COL6A6: variants seen among roughly 807,000 people sequenced by gnomAD.
The protein encoded by COL6A6 is collagen alpha-6(VI) chain.
COL6A6 carries 183 observed loss-of-function variants against 208.6 expected under a neutral mutation model. The observed-to-expected ratio is 0.88, with a 90% CI of 0.78 to 0.99. The LOEUF is 0.99. Among genes scored for constraint, COL6A6 ranks in the 50% least tolerant of loss-of-function variants. The pLI, the probability that COL6A6 is intolerant of heterozygous loss-of-function variation, is 0.00. For missense variants in COL6A6, 2,816 were observed against 2,815.2 expected (o/e 1.00, Z -0.01); for synonymous variants, 973 against 1,011.8 (o/e 0.96, Z 0.73).
chr3:130,635,742 A>G lies in COL6A6; in HGVS notation c.5072A>G (p.Lys1691Arg). The part of the protein sequence containing the change: ...DPGGPGETGL[K>R]GARGKMISAG... ...GGTGGTCCAGGAGAGACTGGGCTGA[A>G]GGGAGCTAGAGGCAAAATGGTAAGC... Residue 1691 changes from lysine to arginine, a missense_variant, in exon 28 of 37, where the codon AAG becomes AGG. Physicochemically the swap from Lys to Arg is conservative, Grantham distance 26. Coordinates refer to ENST00000358511, the MANE Select transcript of COL6A6 (RefSeq NM_001102608.3). The G allele has an allele frequency of 6.2e-7, 1 of 1,612,430 alleles. No individual in the cohort carries two copies. Among genetic ancestry groups the G allele is most frequent in the Non-Finnish European group, 8.5e-7 (1 of 1,178,628 alleles).
intron 17 of COL6A6, 82 bp from the exon 18 acceptor site, chr3:130,594,199 C>A: frequency 2.8e-6 from 3 of 1,066,448 alleles, no homozygotes; most frequent in Non-Finnish European, 4.3e-6. Flanking sequence ...ATTATTCACA[C>A]CAGGGAGAAG....
rs868680695 is a variant in COL6A6, at chr3:130,649,409, G to A, written c.5580G>A (p.Gly1860=). The change falls in exon 33 of 37, where the codon GGG becomes GGA. Residue 1860 remains glycine, a synonymous_variant. Transcript: ENST00000358511. ...ATGTCTTCAAGCGGACGCTTCCGGG[G>A]GCACACACGAGAAAAATCGCCACAT... The part of the protein sequence containing the change: ...SRNVFKRTLP[G]AHTRKIATFF... 1 of 1,612,990 alleles carries A rather than the reference G, an allele frequency of 6.2e-7. No individual in the cohort carries two copies. Among genetic ancestry groups the A allele is most frequent in the African/African-American group, 1.3e-5 (1 of 74,896 alleles).
chr3:130,523,422 T>C (rs1711195612), intron 1 of COL6A6, among the ~76,000 whole-genome samples: 2 of 152,190 alleles, frequency 1.3e-5, no homozygotes, highest in African/African-American at 4.8e-5. Flanking sequence ...GCTACTGAAG[T>C]ATCTGTTGTA....
chr3:130,615,317 T>G (rs1183213731), intron 23 of COL6A6, among the ~76,000 whole-genome samples: 1 of 152,194 alleles, frequency 6.6e-6, no homozygotes, highest in Non-Finnish European at 1.5e-5. Flanking sequence ...GATATGATTT[T>G]GTTTTTTTTC....
chr3:130,660,904 A>C (rs1443471129), intron 34 of COL6A6, among the ~76,000 whole-genome samples: 1 of 152,242 alleles, frequency 6.6e-6, no homozygotes, highest in Non-Finnish European at 1.5e-5. Context: ...ACAACATTAA[A>C]TGACCTTTAA....
At position 130,568,358 on chromosome 3, in the gene COL6A6, C is replaced by T. The variant is rs750521607; in HGVS notation, c.2155C>T (p.Arg719Trp). ...SQYFSPTKGA[R>W]PNIRKFLILI... ...GTACTTCAGCCCCACCAAGGGCGCCCGGCCCAACATCAGAAAGTTTCTCAT... is the reference window on the plus strand; with the variant it reads ...GTACTTCAGCCCCACCAAGGGCGCCTGGCCCAACATCAGAAAGTTTCTCAT... Residue 719 changes from arginine to tryptophan, a missense_variant, in exon 6 of 37, where the codon CGG (arginine) becomes TGG (tryptophan). Physicochemically the swap from Arg to Trp is moderately radical, Grantham distance 101. Coordinates refer to ENST00000358511, the MANE Select transcript of COL6A6 (RefSeq NM_001102608.3). 360 of 1,613,836 alleles carry T rather than the reference C, an allele frequency of 2.2e-4. No homozygotes were observed. The highest frequency in any genetic ancestry group is 2.7e-4 in the Non-Finnish European group (322 of 1,179,900).
chr3:130,557,600 A>G (rs981985370), intron 1 of COL6A6, among the ~76,000 whole-genome samples: 1 of 152,272 alleles, frequency 6.6e-6, no homozygotes, highest in Non-Finnish European at 1.5e-5. Context: ...TTTCTGAAGA[A>G]AAATAAAATC....
At chr3:130,589,029 T>A in intron 11 of COL6A6, 61 bp from the exon 12 acceptor site, 1 of 1,293,650 alleles carries the variant, frequency 7.7e-7, no homozygotes, top group Non-Finnish European at 1.1e-6. Context: ...TGGTTGAACT[T>A]GTATATGAGA....
intron 1 of COL6A6, among the ~76,000 whole-genome samples, chr3:130,531,052 A>AGT (rs1559954808): frequency 5.8e-5 from 5 of 86,072 alleles, no homozygotes; most frequent in African/African-American, 2.3e-4. Context: ...ACACACACAC[A>AGT]CACACACAGT....
At chr3:130,525,144 T>C (rs1332413848) in intron 1 of COL6A6, among the ~76,000 whole-genome samples, 1 of 152,220 alleles carries the variant, frequency 6.6e-6, no homozygotes, top group Non-Finnish European at 1.5e-5. Flanking sequence ...GAAAGAGATT[T>C]GAATTCTGGA....
At chr3:130,575,440 C>T (rs1215813542) in intron 8 of COL6A6, among the ~76,000 whole-genome samples, 1 of 152,212 alleles carries the variant, frequency 6.6e-6, no homozygotes, top group Admixed American at 6.5e-5. Context: ...TGGGAGCTAG[C>T]TCTTCCTTTG....
At chr3:130,615,110 C>T (rs1377894963) in intron 23 of COL6A6, among the ~76,000 whole-genome samples, 3 of 151,974 alleles carry the variant, frequency 2.0e-5, no homozygotes, top group South Asian at 2.1e-4. Context: ...GCCTTATCTG[C>T]GTCCCAGAGA....
At chr3:130,642,562 T>G (rs2087115258) in intron 29 of COL6A6, among the ~76,000 whole-genome samples, 1 of 152,190 alleles carries the variant, frequency 6.6e-6, no homozygotes. Flanking sequence ...CTGGTAATTC[T>G]GGACAATGCT....
chr3:130,587,227 G>C (rs1270105564), intron 11 of COL6A6, among the ~76,000 whole-genome samples: 1 of 152,196 alleles, frequency 6.6e-6, no homozygotes, highest in Non-Finnish European at 1.5e-5. Flanking sequence ...GCAATTGAAA[G>C]ATTAGGGGTT....
intron 17 of COL6A6, 41 bp downstream of exon 17, chr3:130,593,293 G>A (rs749572395): frequency 1.3e-6 from 2 of 1,489,404 alleles, no homozygotes; most frequent in East Asian, 4.5e-5. Context: ...TTGTACTGGG[G>A]ATTAAGGGTG....
chr3:130,598,309 T>A, intron 18 of COL6A6, 56 bp from the exon 19 acceptor site: 3 of 1,191,308 alleles, frequency 2.5e-6, no homozygotes, highest in African/African-American at 3.0e-5. Context: ...ATAAGTTATA[T>A]GTTTAAGGAG....
At chr3:130,613,093 C>T (rs1177487808) in intron 23 of COL6A6, among the ~76,000 whole-genome samples, 1 of 152,180 alleles carries the variant, frequency 6.6e-6, no homozygotes, top group African/African-American at 2.4e-5. Flanking sequence ...TTGCCAAGTC[C>T]TATGTCCAGA....
chr3:130,621,906 AC>A (rs1172707827), intron 24 of COL6A6, 23 bp downstream of exon 24: 47 of 1,599,046 alleles, frequency 2.9e-5, no homozygotes, highest in Non-Finnish European at 4.0e-5. Flanking sequence ...CTTTATACTC[AC>A]CAAAGTTGAG....
intron 17 of COL6A6, 83 bp from the exon 18 acceptor site, chr3:130,594,198 A>C: frequency 1.9e-5 from 20 of 1,026,924 alleles, no homozygotes; most frequent in Non-Finnish European, 3.0e-5. Context: ...AATTATTCAC[A>C]CCAGGGAGAA....
Sources: gnomAD v4.1 joint callset for allele counts (sites outside exome capture counted in the v4.1 genomes callset) on GRCh38, gnomAD v4.1.1 for gene constraint, MANE v1.5 for transcripts, NCBI Gene and HGNC (gene_info 2026-07-23, HGNC 2026-07-21) for gene names.